The following SPG7 variants were observed in gnomAD, a reference collection of about 807,000 sequenced individuals.
SPG7 encodes SPG7 matrix AAA peptidase subunit, paraplegin, also known as mitochondrial inner membrane m-AAA protease component paraplegin.
A neutral mutation model predicts 81.9 loss-of-function variants in SPG7; 103 were observed. That is an observed-to-expected ratio of 1.26 (90% CI 1.07 to 1.48). SPG7 has a LOEUF of 1.48. Among genes scored for constraint, SPG7 ranks in the 40% most tolerant of loss-of-function variants. The probability of loss-of-function intolerance (pLI) is 0.00; values close to 1 mark genes in which losing one functional copy is unlikely to be tolerated. For synonymous variants in SPG7, 534 were observed against 444.2 expected, an observed-to-expected ratio of 1.20 and a Z score of -2.54; for missense variants, 1,241 against 1,087.3, an observed-to-expected ratio of 1.14 and a Z score of -1.99.
rs2058694056 is a variant in SPG7, at chr16:89,557,013, A to G, written c.2308A>G (p.Lys770Glu). The change falls in exon 17 of 17, where the codon AAA (lysine) becomes GAA (glutamate). Residue 770 changes from lysine (K) to glutamate (E), a missense_variant. Lys to Glu is a moderately conservative substitution (Grantham distance 56, BLOSUM62 1). Transcript: ENST00000645818. ...GAGGTGGATCGACGCCCAGAGGGAG[A>G]AACAGGACTTGGGCGAGGAGGAGAC... is the stretch of plus-strand genomic sequence containing the variant. ...PQRWIDAQRE[K>E]QDLGEEETEE... 6.2e-7 allele frequency: 1 copy of G among 1,613,676 alleles called. No individual in the cohort carries two copies. The highest frequency in any genetic ancestry group is 8.5e-7 in the Non-Finnish European group (1 of 1,180,018).
intron 3 of SPG7, chr16:89,519,302 A>C (rs1399406228): frequency 6.6e-6 from 1 of 152,000 alleles, no homozygotes; most frequent in Non-Finnish European, 1.5e-5. Flanking sequence ...GCCATTTCTT[A>C]CAACTACATG....
At chr16:89,544,877 A>G in intron 10 of SPG7, 105 bp downstream of exon 10, 1 of 1,404,056 alleles carries the variant, frequency 7.1e-7, no homozygotes, top group East Asian at 2.3e-5. Context: ...GAAGCCTGTC[A>G]CAGCCCCACA....
chr16:89,541,372 T>G, intron 9 of SPG7: 1 of 953,608 alleles, frequency 1.0e-6, no homozygotes, highest in Non-Finnish European at 1.2e-6. Flanking sequence ...CTTAGTATCG[T>G]ATGACTCCAC....
At chr16:89,536,661 A>G (rs1475552679) in intron 9 of SPG7, 1 of 1,408,424 alleles carries the variant, frequency 7.1e-7, no homozygotes, top group East Asian at 2.3e-5. Flanking sequence ...GAGGCAGGCG[A>G]GGCGGGTGAG....
intron 16 of SPG7, chr16:89,556,276 C>G (rs1200002277): frequency 2.5e-6 from 1 of 397,738 alleles, no homozygotes; most frequent in African/African-American, 2.1e-5. Flanking sequence ...TTTAGAAAAT[C>G]TGGAAGAGTG....
rs201723702 is a variant in SPG7, at chr16:89,530,699, C to T, written c.878C>T (p.Ala293Val). The T allele has an allele frequency of 3.2e-5, 51 of 1,614,112 alleles. No individual in the cohort carries two copies. The highest frequency in any genetic ancestry group is 1.7e-4 in the Middle Eastern group (1 of 6,060). ...TCTGCACAGAATCAGCTTAAAATGG[C>T]TCGTTTCACCATTGTGGATGGGAAG... ...GFSAFNQLKMARFTIVDGKMG... is the reference protein window; with the variant it reads ...GFSAFNQLKMVRFTIVDGKMG... Residue 293 changes from alanine (A) to valine (V), a missense_variant, in exon 7 of 17, where the codon GCT becomes GTT. Ala to Val is a moderately conservative substitution (Grantham distance 64, BLOSUM62 0). Transcript: ENST00000645818.
intron 12 of SPG7, chr16:89,548,978 A>G (rs754300123): frequency 6.6e-6 from 3 of 455,092 alleles, no homozygotes; most frequent in Non-Finnish European, 1.3e-5. Flanking sequence ...CGCCTCTTGC[A>G]GGTCCCCAGG....
chr16:89,527,402 A>G (rs2058279259), intron 5 of SPG7: 1 of 152,240 alleles, frequency 6.6e-6, no homozygotes, highest in African/African-American at 2.4e-5. Flanking sequence ...ATACCTAGTG[A>G]TCTGGCCAGC....
At chr16:89,510,309 A>G (rs2057998169) in intron 1 of SPG7, among the ~76,000 whole-genome samples, 181 bp from the exon 2 acceptor site, 1 of 152,126 alleles carries the variant, frequency 6.6e-6, no homozygotes, top group South Asian at 2.1e-4. Context: ...CTTGCTTTTG[A>G]CATTTTGATG....
At chr16:89,537,412 A>G in intron 9 of SPG7, 1 of 1,052,466 alleles carries the variant, frequency 9.5e-7, no homozygotes, top group Non-Finnish European at 1.1e-6. Context: ...GGAGCTGCGG[A>G]AGCCCAGCGG....
Position 89,526,320 on chromosome 16 carries a change from G to T in SPG7, c.619-9G>T, listed in dbSNP as rs1567908272. On this transcript the variant is annotated splice_polypyrimidine_tract_variant and intron_variant, in intron 4 of 16. Coordinates refer to ENST00000645818, the MANE Select transcript of SPG7 (RefSeq NM_003119.4). ...TTTCTCATGGTCCCCTCTCCTTTCTGCCCCCCAGCGGCTAGCCTTGATGTA... is the reference window on the plus strand; with the variant it reads ...TTTCTCATGGTCCCCTCTCCTTTCTTCCCCCCAGCGGCTAGCCTTGATGTA... 1 of 1,613,734 alleles carries T rather than the reference G, an allele frequency of 6.2e-7. No homozygotes were observed. Among genetic ancestry groups the T allele is most frequent in the Non-Finnish European group, 8.5e-7 (1 of 1,179,930 alleles).
At chr16:89,541,150 CA>C (rs2058491142) in intron 9 of SPG7, 1 of 974,132 alleles carries the variant, frequency 1.0e-6, no homozygotes, top group African/African-American at 1.9e-5. Flanking sequence ...GTGTTCTACG[CA>C]GAAATAGAAG....
intron 9 of SPG7, chr16:89,537,167 G>A (rs2058436335): frequency 6.9e-7 from 1 of 1,454,960 alleles, no homozygotes; most frequent in Non-Finnish European, 9.0e-7. Context: ...GTTCATGGAA[G>A]CGCACAGGAT....
At chr16:89,546,125 C>T (rs1394842641) in intron 10 of SPG7, 3 of 291,984 alleles carry the variant, frequency 1.0e-5, no homozygotes, top group African/African-American at 4.5e-5. Context: ...CTCACTCTAT[C>T]CCCCAGGCTG....
intron 12 of SPG7, 194 bp downstream of exon 12, chr16:89,548,307 C>T (rs978751816): frequency 7.0e-6 from 4 of 570,386 alleles, no homozygotes; most frequent in Non-Finnish European, 1.2e-5. Context: ...CACAGATTTA[C>T]CTAAGAGTAG....
chr16:89,554,021 C>A, intron 15 of SPG7, 61 bp downstream of exon 15: 1 of 1,573,340 alleles, frequency 6.4e-7, no homozygotes, highest in South Asian at 1.1e-5. Context: ...GTCCCTGGGT[C>A]TACCACACAA....
At chr16:89,510,816 C>T (rs912175610) in intron 2 of SPG7, among the ~76,000 whole-genome samples, 4 of 152,230 alleles carry the variant, frequency 2.6e-5, no homozygotes, top group Non-Finnish European at 5.9e-5. Flanking sequence ...AGGCGTGTAC[C>T]GTCACACTCG....
In SPG7 at chr16:89,546,749, C is replaced by G. The variant is rs2058569620; in HGVS notation, c.1541C>G (p.Pro514Arg). ...FYSQRLAELTPGFSGADIANI... is the reference protein window; with the variant it reads ...FYSQRLAELTRGFSGADIANI... ...TCCCAGCGTCTGGCAGAGCTGACAC[C>G]AGGATTCAGTGGTACGTTCTCAACC... The change falls in exon 11 of 17, where the codon CCA (proline) becomes CGA (arginine). Residue 514 changes from proline to arginine, a missense_variant. Transcript: ENST00000645818. 6 of 1,610,346 alleles carry G rather than the reference C, an allele frequency of 3.7e-6. No homozygotes were observed. Among genetic ancestry groups the G allele is most frequent in the Non-Finnish European group, 4.2e-6 (5 of 1,176,730 alleles).
intron 9 of SPG7, chr16:89,540,427 A>T (rs1321523161): frequency 6.6e-6 from 1 of 152,058 alleles, no homozygotes; most frequent in Non-Finnish European, 1.5e-5. Flanking sequence ...TCTCTAAAAA[A>T]ATACAAAAAT....
Sources: gnomAD v4.1 joint callset for allele counts (sites outside exome capture counted in the v4.1 genomes callset) on GRCh38, gnomAD v4.1.1 for gene constraint, MANE v1.5 for transcripts, NCBI Gene and HGNC (gene_info 2026-07-23, HGNC 2026-07-21) for gene names.